Variants in MAP2K1 observed in about 807,000 individuals in gnomAD.
MAP2K1 encodes the protein mitogen-activated protein kinase kinase 1, also known as dual specificity mitogen-activated protein kinase kinase 1.
In MAP2K1, 16 loss-of-function variants were observed where a neutral mutation model predicts 46.3. The ratio of observed to expected loss-of-function variants is 0.35; its 90% CI spans 0.23 to 0.52. MAP2K1 has a LOEUF of 0.52. Among genes scored for constraint, MAP2K1 ranks in the 20% least tolerant of loss-of-function variants. MAP2K1 has a pLI of 0.94. For synonymous variants in MAP2K1, 183 were observed against 185.6 expected, an observed-to-expected ratio of 0.99 and a Z score of 0.11; for missense variants, 263 against 497.1, an observed-to-expected ratio of 0.53 and a Z score of 4.48.
chr15:66,481,645 G>C, intron 5 of MAP2K1, 110 bp from the exon 6 acceptor site: 1 of 1,256,994 alleles, frequency 8.0e-7, no homozygotes, highest in Admixed American at 1.7e-5. Flanking sequence ...GCGGACGGGG[G>C]TGTGGTCCTG....
At chr15:66,430,256 C>T (rs1158805089) in intron 1 of MAP2K1, among the ~76,000 whole-genome samples, 1 of 152,094 alleles carries the variant, frequency 6.6e-6, no homozygotes, top group Admixed American at 6.5e-5. Flanking sequence ...TGCCAGATGC[C>T]ACAGGGGAAG....
At chr15:66,398,309 G>A (rs2093373167) in intron 1 of MAP2K1, among the ~76,000 whole-genome samples, 1 of 152,144 alleles carries the variant, frequency 6.6e-6, no homozygotes, top group Admixed American at 6.5e-5. Flanking sequence ...CCTGCTATTT[G>A]GGAGGCTGAG....
In MAP2K1 at chr15:66,443,365, T is replaced by A; in HGVS notation, c.516+8T>A. 2 of 1,572,004 alleles carry A rather than the reference T, an allele frequency of 1.3e-6. No homozygotes were observed. Among genetic ancestry groups the A allele is most frequent in the Non-Finnish European group, 8.8e-7 (1 of 1,141,710 alleles). Reference sequence around the variant, plus strand: ...GGAAAAGTTAGCATTGCTGTGAGTATGTTATGAAGTTTTTCTTCTAAGTTC... The same window carrying A: ...GGAAAAGTTAGCATTGCTGTGAGTAAGTTATGAAGTTTTTCTTCTAAGTTC... On this transcript the variant is annotated splice_region_variant and intron_variant, in intron 4 of 10. Transcript: ENST00000307102.
At chr15:66,449,850 C>T (rs1261204594) in intron 5 of MAP2K1, among the ~76,000 whole-genome samples, 1 of 152,092 alleles carries the variant, frequency 6.6e-6, no homozygotes. Context: ...CATTGCACTC[C>T]AGCCTGGACA....
intron 3 of MAP2K1, among the ~76,000 whole-genome samples, chr15:66,438,666 A>G (rs2093495321): frequency 6.6e-6 from 1 of 151,926 alleles, no homozygotes; most frequent in Non-Finnish European, 1.5e-5. Context: ...TTTTCCCCCC[A>G]TGGATTTGGC....
intron 5 of MAP2K1, among the ~76,000 whole-genome samples, chr15:66,480,053 C>T (rs1264970844): frequency 6.6e-6 from 1 of 151,544 alleles, no homozygotes; most frequent in African/African-American, 2.4e-5. Context: ...TACAAGCATG[C>T]GCCACCACGC....
intron 5 of MAP2K1, among the ~76,000 whole-genome samples, chr15:66,456,997 C>A (rs2140625860): frequency 6.6e-6 from 1 of 152,360 alleles, no homozygotes; most frequent in Middle Eastern, 3.4e-3. Flanking sequence ...GCAGTTAACA[C>A]AGGTGTGAGC....
At chr15:66,479,462 G>A (rs1892861793) in intron 5 of MAP2K1, among the ~76,000 whole-genome samples, 1 of 152,126 alleles carries the variant, frequency 6.6e-6, no homozygotes, top group Non-Finnish European at 1.5e-5. Context: ...GGCTGCTTTT[G>A]GCACCTCTCT....
At chr15:66,425,403 C>T (rs2093455411) in intron 1 of MAP2K1, among the ~76,000 whole-genome samples, 1 of 152,082 alleles carries the variant, frequency 6.6e-6, no homozygotes, top group Non-Finnish European at 1.5e-5. Context: ...TTAACCTCTT[C>T]CTTGACGCTA....
chr15:66,388,256 G>A (rs562264227), intron 1 of MAP2K1, among the ~76,000 whole-genome samples: 1 of 152,162 alleles, frequency 6.6e-6, no homozygotes, highest in Non-Finnish European at 1.5e-5. Context: ...TGTTTCCTGG[G>A]GGTTTCTGAG....
chr15:66,410,966 T>C (rs891605808), intron 1 of MAP2K1, among the ~76,000 whole-genome samples: 3 of 152,116 alleles, frequency 2.0e-5, no homozygotes, highest in Non-Finnish European at 2.9e-5. Context: ...TCAGTAAAAG[T>C]GGAATGAATG....
chr15:66,413,085 A>AG (rs2093415414), intron 1 of MAP2K1, among the ~76,000 whole-genome samples: 2 of 151,990 alleles, frequency 1.3e-5, no homozygotes, highest in African/African-American at 4.8e-5. Flanking sequence ...TAGTAGAGAC[A>AG]GGGTTTCACC....
intron 5 of MAP2K1, among the ~76,000 whole-genome samples, chr15:66,475,497 T>C (rs1892735881): frequency 6.6e-6 from 1 of 152,092 alleles, no homozygotes; most frequent in African/African-American, 2.4e-5. Flanking sequence ...TCTTTTGGGC[T>C]CCCCACTTCA....
At chr15:66,474,422 G>A (rs1019716203) in intron 5 of MAP2K1, among the ~76,000 whole-genome samples, 1 of 152,126 alleles carries the variant, frequency 6.6e-6, no homozygotes. Context: ...GTGCTCACTC[G>A]CTAAACTGGA....
intron 3 of MAP2K1, among the ~76,000 whole-genome samples, chr15:66,442,033 C>G (rs1293214515): frequency 2.0e-5 from 3 of 152,188 alleles, no homozygotes; most frequent in African/African-American, 7.2e-5. Context: ...TTAACGGGAG[C>G]CCCTGGTATG....
intron 1 of MAP2K1, among the ~76,000 whole-genome samples, chr15:66,418,945 CTTTTTTTT>C (rs753511565): frequency 2.2e-5 from 2 of 88,890 alleles, no homozygotes; most frequent in African/African-American, 9.3e-5. Flanking sequence ...TGTGCCCGGC[CTTTTTTTT>C]TTTTTTTTTT....
intron 2 of MAP2K1, among the ~76,000 whole-genome samples, chr15:66,435,659 A>G (rs1380751000): frequency 2.6e-5 from 4 of 152,086 alleles, no homozygotes; most frequent in Admixed American, 6.6e-5. Flanking sequence ...CTTGTTATCT[A>G]TATTAGATTA....
rs557676835 is a variant in MAP2K1 at position 66,452,681 on chromosome 15, C to T, written c.568+7974C>T. Reference sequence around the variant, plus strand: ...ATCCCATCATCTGTGAAGTGGAGTCCGCCTGCCTACTCAGAGGTTGCTGTG... The same window carrying T: ...ATCCCATCATCTGTGAAGTGGAGTCTGCCTGCCTACTCAGAGGTTGCTGTG... On this transcript the variant is annotated intron_variant, in intron 5 of 10. Transcript: ENST00000307102. Among the ~76,000 whole-genome samples, 429 of 152,116 alleles carry T rather than the reference C, an allele frequency of 2.8e-3. 5 individuals are homozygous for T. The highest frequency in any genetic ancestry group is 1.0e-2 in the African/African-American group (414 of 41,498).
At chr15:66,421,374 G>A (rs1223801542) in intron 1 of MAP2K1, among the ~76,000 whole-genome samples, 2 of 151,594 alleles carry the variant, frequency 1.3e-5, no homozygotes, top group South Asian at 4.2e-4. Flanking sequence ...GAGCTCAAGC[G>A]ATCCGCTTTG....
Sources: gnomAD v4.1 joint callset for allele counts (sites outside exome capture counted in the v4.1 genomes callset) on GRCh38, gnomAD v4.1.1 for gene constraint, MANE v1.5 for transcripts, NCBI Gene and HGNC (gene_info 2026-07-23, HGNC 2026-07-21) for gene names.